VDAC1: variants seen among roughly 807,000 people sequenced by gnomAD.
VDAC1 encodes the protein voltage dependent anion channel 1.
VDAC1 carries 10 observed loss-of-function variants against 34.7 expected under a neutral mutation model. The ratio of observed to expected loss-of-function variants is 0.29; its 90% CI spans 0.18 to 0.49. The LOEUF is 0.49. VDAC1 is among the 20% of genes least tolerant of loss of function. The pLI is 0.99. For missense variants in VDAC1, 230 were observed against 347.9 expected (o/e 0.66, Z 2.69); for synonymous variants, 130 against 136.0 (o/e 0.96, Z 0.30).
At chr5:134,085,722 TA>T in the VDAC1 span, among the ~76,000 whole-genome samples, 845 of 44,184 alleles carry the variant, frequency 0.019, 17 homozygotes, top group African/African-American at 0.073. Context: ...ACCCCATTTC[TA>T]AAAAAAAAAA....
chr5:134,018,117 C>T, the VDAC1 span, among the ~76,000 whole-genome samples: 1 of 152,156 alleles, frequency 6.6e-6, no homozygotes, highest in Non-Finnish European at 1.5e-5. Flanking sequence ...CTTCTGCAGG[C>T]TGCACAAAAA....
the VDAC1 span, among the ~76,000 whole-genome samples, chr5:134,103,903 G>A: frequency 2.6e-5 from 4 of 152,164 alleles, no homozygotes; most frequent in Admixed American, 1.3e-4. Flanking sequence ...AGCGCTGCTC[G>A]GCTCCTAGGT....
the VDAC1 span, among the ~76,000 whole-genome samples, chr5:134,057,222 G>A: frequency 6.6e-6 from 1 of 151,894 alleles, no homozygotes; most frequent in Non-Finnish European, 1.5e-5. Flanking sequence ...GCTCATGCCT[G>A]TAATCCCAGC....
At chr5:134,057,689 G>GAA in the VDAC1 span, among the ~76,000 whole-genome samples, 1 of 132,048 alleles carries the variant, frequency 7.6e-6, no homozygotes, top group Non-Finnish European at 1.6e-5. Flanking sequence ...AACTCCATCT[G>GAA]AAAAAAAAAA....
chr5:134,081,236 A>G, the VDAC1 span, among the ~76,000 whole-genome samples: 2 of 152,136 alleles, frequency 1.3e-5, no homozygotes, highest in East Asian at 3.8e-4. Context: ...ATGGGGTTTC[A>G]CCATGTTGGC....
chr5:133,988,110 C>T (rs918297736), intron 5 of VDAC1, among the ~76,000 whole-genome samples: 10 of 152,240 alleles, frequency 6.6e-5, no homozygotes, highest in South Asian at 4.1e-4. Context: ...AGAAAAAAGA[C>T]GTCATTGTGA....
the VDAC1 span, among the ~76,000 whole-genome samples, chr5:134,046,938 C>G: frequency 5.9e-5 from 9 of 152,226 alleles, no homozygotes; most frequent in African/African-American, 2.2e-4. Context: ...ATACAAGGAG[C>G]CTGTTTTGTG....
At chr5:134,051,756 T>C in the VDAC1 span, among the ~76,000 whole-genome samples, 2 of 151,524 alleles carry the variant, frequency 1.3e-5, no homozygotes, top group Non-Finnish European at 2.9e-5. Flanking sequence ...TGGAGTGCAA[T>C]AGCACGATCT....
In VDAC1 at chr5:133,972,493, T is replaced by A. The variant is rs150699290; in HGVS notation, c.*278A>T. The A allele has an allele frequency of 0.013, 6,011 of 467,454 alleles. 45 individuals carry two copies. Among genetic ancestry groups the A allele is most frequent in the Non-Finnish European group, 0.018 (4,691 of 267,324 alleles). The allele number at this position is 467,454 out of a possible 1,614,324, so 29.0% of individuals were successfully genotyped here. A position where few individuals can be genotyped will look rare whatever the true frequency, so the allele number is the denominator to read the frequency against. On this transcript the variant is annotated 3_prime_UTR_variant, in exon 9 of 9. Coordinates refer to ENST00000265333, the MANE Select transcript of VDAC1 (RefSeq NM_003374.3). ...ACAAAGTGCCTACATATTATCCGCT[T>A]CCACTTGCAGCCATTTCTAGATAAA...
intron 2 of VDAC1, 120 bp downstream of exon 2, chr5:133,992,826 C>T (rs1753157245): frequency 1.1e-6 from 1 of 940,804 alleles, no homozygotes; most frequent in Non-Finnish European, 1.6e-6. Context: ...TTCTTTTTTC[C>T]CTCACGTGAA....
At chr5:134,107,362 G>A in the VDAC1 span, among the ~76,000 whole-genome samples, 3 of 152,252 alleles carry the variant, frequency 2.0e-5, no homozygotes, top group Non-Finnish European at 4.4e-5. Context: ...GCCATGGCTG[G>A]CCAGCTCTGA....
the VDAC1 span, among the ~76,000 whole-genome samples, chr5:134,028,892 T>C: frequency 6.6e-6 from 1 of 152,190 alleles, no homozygotes; most frequent in Non-Finnish European, 1.5e-5. Flanking sequence ...CAGTTGCTAA[T>C]TCCCCTGTCC....
At chr5:134,088,871 G>A in the VDAC1 span, among the ~76,000 whole-genome samples, 4 of 152,160 alleles carry the variant, frequency 2.6e-5, no homozygotes, top group Admixed American at 6.5e-5. Context: ...TAGACTGTCC[G>A]GTTGTGAACT....
the VDAC1 span, among the ~76,000 whole-genome samples, chr5:134,086,315 G>A: frequency 6.6e-6 from 1 of 152,214 alleles, no homozygotes; most frequent in Non-Finnish European, 1.5e-5. Context: ...TTCCTACTGT[G>A]ATGTAATGGC....
At chr5:134,036,708 C>T in the VDAC1 span, among the ~76,000 whole-genome samples, 1 of 150,434 alleles carries the variant, frequency 6.6e-6, no homozygotes, top group Non-Finnish European at 1.5e-5. Flanking sequence ...AGTCCCAGCA[C>T]TTTGGGAGGC....
the VDAC1 span, among the ~76,000 whole-genome samples, chr5:134,075,862 C>G: frequency 3.4e-4 from 51 of 151,622 alleles, no homozygotes; most frequent in Non-Finnish European, 5.2e-4. Flanking sequence ...TGGGATTACA[C>G]GCGTGAGCCA....
At chr5:133,981,026 T>G in intron 5 of VDAC1, 70 bp from the exon 6 acceptor site, 1 of 1,434,430 alleles carries the variant, frequency 7.0e-7, no homozygotes, top group Non-Finnish European at 9.6e-7. Context: ...CTTTTTTTTT[T>G]TTTTAATCCC....
chr5:134,037,303 C>T, the VDAC1 span, among the ~76,000 whole-genome samples: 2 of 152,230 alleles, frequency 1.3e-5, no homozygotes, highest in Non-Finnish European at 2.9e-5. Context: ...GGACTGAACT[C>T]TGATCACTGC....
chr5:134,071,813 G>C, the VDAC1 span, among the ~76,000 whole-genome samples: 1 of 152,296 alleles, frequency 6.6e-6, no homozygotes, highest in East Asian at 1.9e-4. The surrounding 1 kb of genome is among the most constrained non-coding windows in gnomAD (Gnocchi z 4.1). Context: ...TAGCCCTTGT[G>C]GGCGGACCTG....
Sources: gnomAD v4.1 joint callset for allele counts (sites outside exome capture counted in the v4.1 genomes callset) on GRCh38, gnomAD v4.1.1 for gene constraint, Gnocchi (gnomAD v3.1) non-coding constraint, MANE v1.5 for transcripts, NCBI Gene and HGNC (gene_info 2026-07-23, HGNC 2026-07-21) for gene names.